The following THSD7A variants were observed in gnomAD, a reference collection of about 807,000 sequenced individuals.
The protein encoded by THSD7A is thrombospondin type 1 domain containing 7A.
In THSD7A, 96 loss-of-function variants were observed where a neutral mutation model predicts 231.3. That is an observed-to-expected ratio of 0.41 (90% confidence interval 0.35 to 0.49). THSD7A has a LOEUF of 0.49. Ranked by LOEUF, THSD7A falls within the 20% of genes least tolerant of loss-of-function variation. The probability of loss-of-function intolerance (pLI) is 0.05; values close to 1 mark genes in which losing one functional copy is unlikely to be tolerated. For synonymous variants in THSD7A, 940 were observed against 743.3 expected (o/e 1.26, Z -4.30); for missense variants, 2,290 against 2,070.2 (o/e 1.11, Z -2.06).
intron 1 of THSD7A, among the ~76,000 whole-genome samples, chr7:11,667,364 T>G (rs932459955): frequency 2.0e-4 from 31 of 152,178 alleles, no homozygotes; most frequent in African/African-American, 7.2e-4. Context: ...CACAATTCTT[T>G]TAGATTTTCT....
At chr7:11,554,834 T>G (rs1274246284) in intron 4 of THSD7A, among the ~76,000 whole-genome samples, 1 of 151,952 alleles carries the variant, frequency 6.6e-6, no homozygotes, top group African/African-American at 2.4e-5. Flanking sequence ...TAGGTTGCAA[T>G]TTATTTTGAT....
intron 27 of THSD7A, 139 bp downstream of exon 27, chr7:11,376,431 A>G (rs925711849): frequency 7.3e-6 from 5 of 685,750 alleles, no homozygotes; most frequent in Non-Finnish European, 1.2e-5. Context: ...CTTTTAGCCC[A>G]TCTAGGACTA....
At chr7:11,394,284 A>G (rs1238911399) in intron 23 of THSD7A, among the ~76,000 whole-genome samples, 1 of 152,232 alleles carries the variant, frequency 6.6e-6, no homozygotes, top group East Asian at 1.9e-4. Context: ...CAAAGGAGAA[A>G]TAAAATTCTT....
chr7:11,797,381 CCTGCCTTCTTTGCTTTCTTT>C (rs1449780720), intron 1 of THSD7A, among the ~76,000 whole-genome samples: 1 of 148,676 alleles, frequency 6.7e-6, no homozygotes, highest in East Asian at 1.9e-4. Flanking sequence ...TTCTTTCCTT[CCTGCCTTCTTTGCTTTCTTT>C]CTGCCTCTCT....
rs1781913204 is a variant in THSD7A, at chr7:11,637,491, G to GTGCT, written c.191-531_191-530insAGCA. On this transcript the variant is annotated intron_variant, in intron 1 of 27. Coordinates refer to ENST00000423059, the MANE Select transcript of THSD7A (RefSeq NM_015204.3). The surrounding 1 kb of genome is among the most constrained non-coding windows in gnomAD (Gnocchi z 4.2). ...AGGGTCTAATAGTTGTATATCATGTGTGCCACTAGAGCTTAAAGTGTTCAC... is the reference window on the plus strand; with the variant it reads ...AGGGTCTAATAGTTGTATATCATGTGTGCTTGCCACTAGAGCTTAAAGTGTTCAC... 6.6e-6 allele frequency among the ~76,000 whole-genome samples: 1 copy of GTGCT among 152,128 alleles called. No individual in the cohort carries two copies. Among genetic ancestry groups the GTGCT allele is most frequent in the South Asian group, 2.1e-4 (1 of 4,832 alleles).
rs185499630 is a variant in THSD7A at position 11,587,091 on chromosome 7, T to C, written c.1453+3369A>G. Among the ~76,000 whole-genome samples the C allele has an allele frequency of 6.2e-4, 94 of 152,330 alleles. 1 individual carries two copies. The highest frequency in any genetic ancestry group is 1.4e-3 in the Admixed American group (22 of 15,294). ...AATCTGTACTAAATGGAAGAATTTC[T>C]TGAGTTACTGTAGGTAAAATCTACT... On this transcript the variant is annotated intron_variant, in intron 4 of 27. Coordinates refer to ENST00000423059, the MANE Select transcript of THSD7A (RefSeq NM_015204.3).
At chr7:11,698,803 A>C (rs898845602) in intron 1 of THSD7A, among the ~76,000 whole-genome samples, 1 of 151,418 alleles carries the variant, frequency 6.6e-6, no homozygotes, top group African/African-American at 2.4e-5. Context: ...AAGGAGAGCG[A>C]TGTTAATTAT....
intron 23 of THSD7A, chr7:11,384,810 C>A (rs142396137): frequency 6.6e-6 from 1 of 152,044 alleles, no homozygotes; most frequent in African/African-American, 2.4e-5. Flanking sequence ...TAAAAACATT[C>A]TGGGATCTTC....
chr7:11,435,264 G>T (rs1281460866), intron 13 of THSD7A, among the ~76,000 whole-genome samples: 1 of 152,056 alleles, frequency 6.6e-6, no homozygotes, highest in Non-Finnish European at 1.5e-5. Context: ...TAAAGAATTT[G>T]CCTGGCCCTT....
chr7:11,493,464 G>A (rs1317600526), intron 6 of THSD7A, among the ~76,000 whole-genome samples: 2 of 152,040 alleles, frequency 1.3e-5, no homozygotes, highest in Non-Finnish European at 2.9e-5. Flanking sequence ...CAATTGGATG[G>A]ACAGGGGAAG....
intron 1 of THSD7A, among the ~76,000 whole-genome samples, chr7:11,713,023 A>G (rs1006993412): frequency 1.3e-5 from 2 of 151,138 alleles, no homozygotes; most frequent in African/African-American, 4.8e-5. Context: ...TGAATTTTGC[A>G]TCTTCATGTG....
intron 1 of THSD7A, among the ~76,000 whole-genome samples, chr7:11,813,048 C>A (rs972026916): frequency 6.6e-6 from 1 of 152,136 alleles, no homozygotes; most frequent in African/African-American, 2.4e-5. Flanking sequence ...GCTGTGAAAA[C>A]GATGTAGGCA....
chr7:11,529,310 G>C (rs1035673323), intron 6 of THSD7A, among the ~76,000 whole-genome samples: 1 of 151,868 alleles, frequency 6.6e-6, no homozygotes, highest in African/African-American at 2.4e-5. Flanking sequence ...ATTTATTTAA[G>C]GCCATGTATA....
At chr7:11,595,702 T>C (rs1780336332) in intron 2 of THSD7A, among the ~76,000 whole-genome samples, 1 of 152,212 alleles carries the variant, frequency 6.6e-6, no homozygotes, top group South Asian at 2.1e-4. Flanking sequence ...AGCACCTGCA[T>C]CTTTGAAAAG....
At chr7:11,709,450 G>T (rs1041977680) in intron 1 of THSD7A, among the ~76,000 whole-genome samples, 11 of 150,766 alleles carry the variant, frequency 7.3e-5, no homozygotes, top group African/African-American at 2.4e-4. Context: ...CCTGGTAAAT[G>T]AGTTATGGTG....
At chr7:11,669,971 ATG>A (rs35769040) in intron 1 of THSD7A, among the ~76,000 whole-genome samples, 81,453 of 150,690 alleles carry the variant, frequency 0.54, 22,217 homozygotes, top group South Asian at 0.69. Context: ...TGTTGCATTC[ATG>A]TGTGTGTGTG....
At chr7:11,387,478 T>G (rs1441663356) in intron 23 of THSD7A, among the ~76,000 whole-genome samples, 4 of 152,220 alleles carry the variant, frequency 2.6e-5, no homozygotes, top group Admixed American at 1.3e-4. Flanking sequence ...GTAGCAATTG[T>G]GAATGGAAGT....
rs1475615845 is a variant in THSD7A, at chr7:11,372,178, C to T, written c.*3616G>A. 2 of 151,986 alleles carry T rather than the reference C, an allele frequency of 1.3e-5. No homozygotes were observed. Among genetic ancestry groups the T allele is most frequent in the Non-Finnish European group, 2.9e-5 (2 of 68,022 alleles). 9.4% of individuals were successfully genotyped at this position (151,986 alleles called of 1,614,324 possible). ...AAAAATCAAACTCCTAATACTGTGG[C>T]CTAAAGACATGTACATTACGTAGGG... On this transcript the variant is annotated 3_prime_UTR_variant, in exon 28 of 28. Coordinates refer to ENST00000423059, the MANE Select transcript of THSD7A (RefSeq NM_015204.3).
At chr7:11,419,328 A>G (rs1355969161) in intron 16 of THSD7A, among the ~76,000 whole-genome samples, 1 of 152,126 alleles carries the variant, frequency 6.6e-6, no homozygotes, top group Non-Finnish European at 1.5e-5. Flanking sequence ...CTTGCTGTTC[A>G]TGATAGTGAG....
Sources: gnomAD v4.1 joint callset for allele counts (sites outside exome capture counted in the v4.1 genomes callset) on GRCh38, gnomAD v4.1.1 for gene constraint, Gnocchi (gnomAD v3.1) non-coding constraint, MANE v1.5 for transcripts, NCBI Gene and HGNC (gene_info 2026-07-23, HGNC 2026-07-21) for gene names.